The following SUPT3H variants were observed in gnomAD, a reference collection of about 807,000 sequenced individuals.
SUPT3H encodes the protein SPT3 homolog, SAGA and STAGA complex component.
A neutral mutation model predicts 44.3 loss-of-function variants in SUPT3H; 44 were observed. The ratio of observed to expected loss-of-function variants is 0.99; its 90% CI spans 0.78 to 1.28. The LOEUF (loss-of-function observed/expected upper bound fraction) is 1.28. SUPT3H is among the 50% of genes most tolerant of loss of function. The probability of loss-of-function intolerance (pLI) is 0.00; values close to 1 mark genes in which losing one functional copy is unlikely to be tolerated. For missense variants in SUPT3H, 380 were observed against 387.1 expected (o/e 0.98, Z 0.15); for synonymous variants, 124 against 125.6 (o/e 0.99, Z 0.09).
intron 2 of SUPT3H, among the ~76,000 whole-genome samples, chr6:45,150,791 C>T (rs764706220): frequency 2.9e-5 from 4 of 139,180 alleles, no homozygotes; most frequent in Middle Eastern, 4.0e-3. Context: ...GGCACAATCT[C>T]GGCTCACTGC....
intron 10 of SUPT3H, among the ~76,000 whole-genome samples, chr6:44,869,925 T>C (rs1776090155): frequency 6.6e-6 from 1 of 152,180 alleles, no homozygotes; most frequent in African/African-American, 2.4e-5. Flanking sequence ...TGAGAAACAA[T>C]ATCTCTTTTC....
intron 10 of SUPT3H, among the ~76,000 whole-genome samples, chr6:44,837,928 C>G (rs1221635996): frequency 6.6e-6 from 1 of 152,112 alleles, no homozygotes; most frequent in Non-Finnish European, 1.5e-5. Flanking sequence ...AAAGAAAATA[C>G]TGTTGCTATG....
intron 10 of SUPT3H, among the ~76,000 whole-genome samples, chr6:44,891,614 T>C (rs1354162959): frequency 1.3e-5 from 2 of 152,028 alleles, no homozygotes; most frequent in Non-Finnish European, 2.9e-5. Context: ...AAGAATGGGT[T>C]GTTATTGCTT....
At chr6:44,905,101 T>G (rs1189809909) in intron 10 of SUPT3H, among the ~76,000 whole-genome samples, 2 of 152,050 alleles carry the variant, frequency 1.3e-5, no homozygotes, top group Non-Finnish European at 2.9e-5. Flanking sequence ...ATTCAGGACA[T>G]AGGCATGGGC....
At chr6:45,003,895 G>T in intron 5 of SUPT3H, 103 bp from the exon 6 acceptor site, 3 of 1,249,440 alleles carry the variant, frequency 2.4e-6, no homozygotes, top group African/African-American at 1.6e-5. Flanking sequence ...TTCAGAATTG[G>T]GATTCTCTGA....
chr6:44,866,430 G>A (rs529120976), intron 10 of SUPT3H, among the ~76,000 whole-genome samples: 5 of 151,700 alleles, frequency 3.3e-5, no homozygotes, highest in Non-Finnish European at 5.9e-5. Context: ...GACAGCCTAG[G>A]TAATATGTTG....
At chr6:45,284,541 G>A (rs9369553) in intron 2 of SUPT3H, among the ~76,000 whole-genome samples, 20 of 151,912 alleles carry the variant, frequency 1.3e-4, no homozygotes, top group Admixed American at 1.3e-3. Flanking sequence ...AAGACTAAAC[G>A]AGGAAGAAGT....
In SUPT3H at chr6:45,210,281, T is replaced by C. The variant is rs1401572612; in HGVS notation, c.102-104275A>G. 5.9e-5 allele frequency among the ~76,000 whole-genome samples: 9 copies of C among 152,082 alleles called. 1 individual carries two copies. The highest frequency in any genetic ancestry group is 4.6e-4 in the Admixed American group (7 of 15,268). ...ACCTCACAATTTGCCCAGAAGGAAATTGCTTTTAGACAAAGGACAGACAGA... is the reference window on the plus strand; with the variant it reads ...ACCTCACAATTTGCCCAGAAGGAAACTGCTTTTAGACAAAGGACAGACAGA... On this transcript the variant is annotated intron_variant, in intron 2 of 10. Transcript: ENST00000371459.
At chr6:44,989,774 T>C (rs187851853) in intron 6 of SUPT3H, among the ~76,000 whole-genome samples, 15 of 152,270 alleles carry the variant, frequency 9.9e-5, no homozygotes, top group African/African-American at 2.2e-4. Flanking sequence ...TCTTTTCATA[T>C]ACTTGTTAGC....
chr6:45,242,421 A>C (rs1325605550), intron 2 of SUPT3H, among the ~76,000 whole-genome samples: 4 of 152,202 alleles, frequency 2.6e-5, no homozygotes, highest in African/African-American at 9.6e-5. Context: ...TACTAAGTTG[A>C]AAATGCATAA....
intron 3 of SUPT3H, among the ~76,000 whole-genome samples, chr6:45,045,958 C>T (rs922201473): frequency 2.6e-5 from 4 of 152,060 alleles, no homozygotes; most frequent in Admixed American, 2.6e-4. Context: ...GTTCTTCATG[C>T]TTTCTATGTT....
chr6:45,200,399 T>C (rs1410970869), intron 2 of SUPT3H, among the ~76,000 whole-genome samples: 1 of 151,504 alleles, frequency 6.6e-6, no homozygotes, highest in Non-Finnish European at 1.5e-5. Context: ...ATTACATTAA[T>C]AAAAAATTAA....
chr6:44,830,012 T>C (rs1768338435), intron 10 of SUPT3H, 155 bp from the exon 11 acceptor site: 1 of 655,300 alleles, frequency 1.5e-6, no homozygotes, highest in East Asian at 2.8e-5. Flanking sequence ...GGCAAAACTA[T>C]AGCAACCATT....
intron 5 of SUPT3H, among the ~76,000 whole-genome samples, chr6:45,007,406 G>A (rs935100111): frequency 2.2e-4 from 34 of 151,748 alleles, no homozygotes; most frequent in African/African-American, 6.5e-4. Context: ...TAACTCCTCC[G>A]AATTTATCCT....
intron 10 of SUPT3H, among the ~76,000 whole-genome samples, chr6:44,925,716 C>G (rs1348829170): frequency 1.3e-5 from 2 of 152,094 alleles, no homozygotes; most frequent in Admixed American, 6.6e-5. Flanking sequence ...CATAAGAGAA[C>G]ACTAGACTAC....
intron 2 of SUPT3H, among the ~76,000 whole-genome samples, chr6:45,281,847 C>T (rs1276059944): frequency 6.6e-6 from 1 of 152,136 alleles, no homozygotes; most frequent in Non-Finnish European, 1.5e-5. Context: ...CCAGTAGGGG[C>T]AGACTGACAC....
At chr6:45,123,925 T>C (rs1374212000) in intron 2 of SUPT3H, among the ~76,000 whole-genome samples, 1 of 152,196 alleles carries the variant, frequency 6.6e-6, no homozygotes. Flanking sequence ...ACTCATCTTT[T>C]GTTTTTTTCC....
At chr6:45,042,408 A>G (rs117221032) in intron 3 of SUPT3H, among the ~76,000 whole-genome samples, 2 of 152,314 alleles carry the variant, frequency 1.3e-5, no homozygotes, top group East Asian at 3.9e-4. Context: ...GAGGCACAAG[A>G]GGGAGACTTC....
chr6:45,125,183 A>G (rs1802253145), intron 2 of SUPT3H, among the ~76,000 whole-genome samples: 1 of 152,192 alleles, frequency 6.6e-6, no homozygotes, highest in African/African-American at 2.4e-5. Flanking sequence ...TAGAAGCCCT[A>G]GGAAACAAAT....
Sources: gnomAD v4.1 joint callset for allele counts (sites outside exome capture counted in the v4.1 genomes callset) on GRCh38, gnomAD v4.1.1 for gene constraint, MANE v1.5 for transcripts, NCBI Gene and HGNC (gene_info 2026-07-23, HGNC 2026-07-21) for gene names.